The following PPP2R3C variants were observed in gnomAD, a reference collection of about 807,000 sequenced individuals.
PPP2R3C encodes the protein protein phosphatase 2 regulatory subunit B''gamma, also known as serine/threonine-protein phosphatase 2A regulatory subunit B'' subunit gamma.
PPP2R3C carries 47 observed loss-of-function variants against 63.7 expected under a neutral mutation model. That is an observed-to-expected ratio of 0.74 (90% CI 0.58 to 0.94). The LOEUF (loss-of-function observed/expected upper bound fraction) is 0.94, where lower values mean the gene tolerates loss of function less well. Ranked by LOEUF, PPP2R3C falls within the 40% of genes least tolerant of loss-of-function variation. The pLI is 0.00. For synonymous variants in PPP2R3C, 180 were observed against 177.4 expected (o/e 1.01, Z -0.12); for missense variants, 421 against 518.4 (o/e 0.81, Z 1.82).
At chr14:35,119,462 C>T (rs1370612356) in intron 1 of PPP2R3C, among the ~76,000 whole-genome samples, 2 of 151,474 alleles carry the variant, frequency 1.3e-5, no homozygotes, top group South Asian at 2.1e-4. Flanking sequence ...TTCAGCCTCT[C>T]GAGTAGCTAG....
intron 6 of PPP2R3C, among the ~76,000 whole-genome samples, chr14:35,105,865 T>TG (rs1182078199): frequency 2.0e-5 from 3 of 151,874 alleles, no homozygotes; most frequent in Non-Finnish European, 4.4e-5. Context: ...TTTTTTGAGA[T>TG]GGAGTCTCGC....
chr14:35,117,018 G>C, intron 1 of PPP2R3C: 1 of 447,570 alleles, frequency 2.2e-6, no homozygotes, highest in Non-Finnish European at 4.5e-6. Context: ...CTCTCCTACA[G>C]AACTCTGTAG....
chr14:35,115,286 C>T (rs890333747), intron 2 of PPP2R3C, among the ~76,000 whole-genome samples: 5 of 151,230 alleles, frequency 3.3e-5, no homozygotes, highest in African/African-American at 1.2e-4. Flanking sequence ...CCTCAGCCTC[C>T]TGAGTAGCGG....
At position 35,087,994 on chromosome 14, in the gene PPP2R3C, A is replaced by G. The variant is rs1437570784; in HGVS notation, c.1130T>C (p.Met377Thr). The G allele has an allele frequency of 1.3e-6, 2 of 1,598,496 alleles. No homozygotes were observed. The highest frequency in any genetic ancestry group is 1.7e-6 in the Non-Finnish European group (2 of 1,165,880). Residue 377 changes from methionine to threonine, a missense_variant, in exon 12 of 13, where the codon ATG (methionine) becomes ACG (threonine). Met to Thr is a moderately conservative substitution (Grantham distance 81). Coordinates refer to ENST00000261475, the MANE Select transcript of PPP2R3C (RefSeq NM_017917.4). Reference sequence around the variant, plus strand: ...AACAGGATCTTGTCCATGGATTTTCATTAGTTCCTGTATGGCCTGTATTTA... The same window carrying G: ...AACAGGATCTTGTCCATGGATTTTCGTTAGTTCCTGTATGGCCTGTATTTA... ...NYFFRAIQEL[M>T]KIHGQDPVSF...
intron 1 of PPP2R3C, among the ~76,000 whole-genome samples, chr14:35,118,751 T>C (rs1369984324): frequency 6.7e-6 from 1 of 149,086 alleles, no homozygotes; most frequent in East Asian, 2.0e-4. Context: ...CCTCCTGGGT[T>C]GAAGTGATTC....
intron 6 of PPP2R3C, among the ~76,000 whole-genome samples, chr14:35,105,874 G>A (rs184628253): frequency 6.6e-6 from 1 of 151,102 alleles, no homozygotes; most frequent in Non-Finnish European, 1.5e-5. Flanking sequence ...ATGGAGTCTC[G>A]CTCTTTCGCC....
At chr14:35,108,808 C>T (rs1460128718) in intron 4 of PPP2R3C, among the ~76,000 whole-genome samples, 1 of 151,900 alleles carries the variant, frequency 6.6e-6, no homozygotes, top group Non-Finnish European at 1.5e-5. Context: ...CAGAGATTTG[C>T]TCTGTTGCCC....
intron 12 of PPP2R3C, chr14:35,087,642 C>T (rs1485192840): frequency 7.1e-6 from 2 of 281,276 alleles, no homozygotes; most frequent in African/African-American, 2.2e-5. Context: ...TCGGATGATC[C>T]GCCCGCCTCA....
intron 1 of PPP2R3C, 189 bp from the exon 2 acceptor site, chr14:35,116,926 C>T: frequency 2.3e-6 from 1 of 435,552 alleles, no homozygotes. Context: ...TCTACTGAAG[C>T]AGCCTCCTCT....
chr14:35,122,064 C>T (rs1408611181), upstream of PPP2R3C: 5 of 1,201,032 alleles, frequency 4.2e-6, no homozygotes, highest in Middle Eastern at 1.9e-4. Context: ...TTAGGAAGGC[C>T]GTCCAACCAC....
At chr14:35,091,911 G>A (rs1052974762) in intron 10 of PPP2R3C, among the ~76,000 whole-genome samples, 2 of 151,460 alleles carry the variant, frequency 1.3e-5, no homozygotes, top group Non-Finnish European at 2.9e-5. Flanking sequence ...AGTAGAGACA[G>A]GATTTTCCAT....
At chr14:35,121,739 A>T in intron 1 of PPP2R3C, 163 bp downstream of exon 1, 1 of 754,188 alleles carries the variant, frequency 1.3e-6, no homozygotes, top group Non-Finnish European at 2.1e-6. Context: ...TTTGGGTCAA[A>T]CCTATCGGGA....
intron 3 of PPP2R3C, 166 bp downstream of exon 3, chr14:35,110,359 C>T: frequency 3.6e-6 from 2 of 561,526 alleles, no homozygotes; most frequent in Non-Finnish European, 3.1e-6. Flanking sequence ...GGGTACATGA[C>T]CCATGCAAAC....
intron 11 of PPP2R3C, among the ~76,000 whole-genome samples, chr14:35,089,067 A>G (rs962710350): frequency 6.6e-6 from 1 of 152,114 alleles, no homozygotes; most frequent in Non-Finnish European, 1.5e-5. Flanking sequence ...ATTTTCTCAG[A>G]TGAGCCGCTG....
At chr14:35,091,948 G>C (rs1595079842) in intron 10 of PPP2R3C, among the ~76,000 whole-genome samples, 2 of 152,126 alleles carry the variant, frequency 1.3e-5, no homozygotes, top group South Asian at 2.1e-4. Context: ...TCAAACTCCT[G>C]ACCTCAAGTG....
intron 6 of PPP2R3C, among the ~76,000 whole-genome samples, chr14:35,104,651 A>G (rs1273349236): frequency 6.6e-6 from 1 of 152,196 alleles, no homozygotes; most frequent in African/African-American, 2.4e-5. Context: ...AGCAGTGCCT[A>G]ATAGGAAACA....
At chr14:35,114,652 T>A (rs898701806) in intron 2 of PPP2R3C, among the ~76,000 whole-genome samples, 10 of 151,872 alleles carry the variant, frequency 6.6e-5, no homozygotes, top group African/African-American at 2.2e-4. Flanking sequence ...TTATTTTTTT[T>A]AAATAGACAA....
intron 10 of PPP2R3C, among the ~76,000 whole-genome samples, chr14:35,091,833 GTC>G (rs1361948000): frequency 6.6e-6 from 1 of 151,720 alleles, no homozygotes; most frequent in Non-Finnish European, 1.5e-5. Flanking sequence ...CGATTCTCCT[GTC>G]TCAGCCTCCC....
Position 35,085,612 on chromosome 14 carries a change from G to A in PPP2R3C, c.1340C>T (p.Ser447Phe), listed in dbSNP as rs762030001. The change falls in exon 13 of 13, where the codon TCT becomes TTT. Residue 447 changes from serine to phenylalanine, a missense_variant. Physicochemically the swap from Ser to Phe is radical, Grantham distance 155. Coordinates refer to ENST00000261475, the MANE Select transcript of PPP2R3C (RefSeq NM_017917.4). ...EALVANDSEN[S>F]ADLDDT ...AGATCATGTATCATCAAGGTCTGCA[G>A]AGTTTTCACTGTCATTTGCAACAAG... 6.2e-7 allele frequency: 1 copy of A among 1,611,098 alleles called. No individual in the cohort carries two copies. Among genetic ancestry groups the A allele is most frequent in the South Asian group, 1.1e-5 (1 of 90,334 alleles).
Sources: gnomAD v4.1 joint callset for allele counts (sites outside exome capture counted in the v4.1 genomes callset) on GRCh38, gnomAD v4.1.1 for gene constraint, MANE v1.5 for transcripts, NCBI Gene and HGNC (gene_info 2026-07-23, HGNC 2026-07-21) for gene names.